The following RASGRF1 variants were observed in gnomAD, a reference collection of about 807,000 sequenced individuals.
The protein encoded by RASGRF1 is Ras protein specific guanine nucleotide releasing factor 1.
A neutral mutation model predicts 138.7 loss-of-function variants in RASGRF1; 40 were observed. The ratio of observed to expected loss-of-function variants is 0.29; its 90% CI spans 0.22 to 0.38. The LOEUF is 0.38. RASGRF1 is among the 10% of genes least tolerant of loss of function. The probability of loss-of-function intolerance (pLI) is 1.00; values close to 1 mark genes in which losing one functional copy is unlikely to be tolerated. For synonymous variants in RASGRF1, 614 were observed against 663.2 expected (o/e 0.93, Z 1.14); for missense variants, 1,108 against 1,650.4 (o/e 0.67, Z 5.69).
chr15:78,991,662 G>A (rs2056270154), intron 21 of RASGRF1, 29 bp downstream of exon 21: 7 of 1,568,346 alleles, frequency 4.5e-6, no homozygotes, highest in African/African-American at 1.3e-5. Context: ...AGGAAGCGGG[G>A]GGAGGCGGGT....
chr15:79,052,212 G>T (rs1482512685), intron 3 of RASGRF1, among the ~76,000 whole-genome samples: 1 of 152,094 alleles, frequency 6.6e-6, no homozygotes, highest in Non-Finnish European at 1.5e-5. Flanking sequence ...CCTGCTTTGG[G>T]CACGGTGCAA....
At position 78,990,240 on chromosome 15, in the gene RASGRF1, T is replaced by A; in HGVS notation, c.3165A>T (p.Glu1055Asp). The A allele has an allele frequency of 6.2e-7, 1 of 1,610,150 alleles. No homozygotes were observed. Among genetic ancestry groups the A allele is most frequent in the Non-Finnish European group, 8.5e-7 (1 of 1,176,288 alleles). The stretch of plus-strand genomic sequence containing the variant: ...TGATATAAGGGGTCCTTTCATTCTT[T>A]TCCAGTTTCATCCATCCTTGTCCGA... ...EFFGQGWMKL[E>D]KNERTPYIMK... Residue 1055 changes from glutamate to aspartate, a missense_variant, in exon 22 of 27, where the codon GAA (glutamate) becomes GAT (aspartate). This residue lies in a region of RASGRF1 where 686 missense variants were observed against 976.7 expected (regional missense o/e 0.70). Coordinates refer to ENST00000558480, the MANE Select transcript of RASGRF1 (RefSeq NM_001145648.3).
Position 78,976,389 on chromosome 15 carries a change from C to T in RASGRF1, c.3495-2969G>A, listed in dbSNP as rs7164306. Among the ~76,000 whole-genome samples the T allele has an allele frequency of 9.5e-3, 1,449 of 152,206 alleles. 28 individuals are homozygous for T. Among genetic ancestry groups the T allele is most frequent in the African/African-American group, 0.033 (1,365 of 41,508 alleles). On this transcript the variant is annotated intron_variant, in intron 24 of 26. Coordinates refer to ENST00000558480, the MANE Select transcript of RASGRF1 (RefSeq NM_001145648.3). Reference sequence around the variant, plus strand: ...TAACACACTAACGATAGCTAATAAGCTGGAAAAAAATCACAAAAAAATCTC... The same window carrying T: ...TAACACACTAACGATAGCTAATAAGTTGGAAAAAAATCACAAAAAAATCTC...
intron 13 of RASGRF1, among the ~76,000 whole-genome samples, chr15:79,007,260 A>C (rs1398624111): frequency 6.6e-6 from 1 of 152,206 alleles, no homozygotes; most frequent in African/African-American, 2.4e-5. Flanking sequence ...CAGCCTCTAC[A>C]GGGCATAGTG....
chr15:79,053,626 GA>G (rs2057463058), intron 3 of RASGRF1, among the ~76,000 whole-genome samples: 1 of 152,250 alleles, frequency 6.6e-6, no homozygotes, highest in Non-Finnish European at 1.5e-5. Flanking sequence ...AGAAGGGAGA[GA>G]AGAGACTAAG....
intron 5 of RASGRF1, among the ~76,000 whole-genome samples, chr15:79,041,124 G>A (rs867548883): frequency 8.5e-5 from 13 of 152,348 alleles, no homozygotes; most frequent in South Asian, 6.2e-4. Context: ...CTGTTTTTGC[G>A]TGGCCTGAGA....
chr15:79,063,926 C>T (rs2057642057), intron 2 of RASGRF1, among the ~76,000 whole-genome samples: 1 of 152,192 alleles, frequency 6.6e-6, no homozygotes, highest in African/African-American at 2.4e-5. Flanking sequence ...AGTCTCCCTA[C>T]AGGGGGCACT....
chr15:78,978,213 T>C (rs997736181), intron 24 of RASGRF1, among the ~76,000 whole-genome samples: 3 of 84,398 alleles, frequency 3.6e-5, no homozygotes, highest in East Asian at 3.2e-4. Flanking sequence ...TCTTTTTCTT[T>C]TCTTTTGTTT....
Position 79,041,705 on chromosome 15 carries a change from C to T in RASGRF1, c.878+5041G>A, listed in dbSNP as rs191053648. Among the ~76,000 whole-genome samples, 196 of 152,008 alleles carry T rather than the reference C, an allele frequency of 1.3e-3. 1 individual carries two copies. The highest frequency in any genetic ancestry group is 4.5e-3 in the African/African-American group (187 of 41,268). The stretch of plus-strand genomic sequence containing the variant: ...AGCCCAGAAAGGGGCATGACATACC[C>T]AAGGCCAGTCCAAGGCAGATAGGAC... On this transcript the variant is annotated intron_variant, in intron 5 of 26. Coordinates refer to ENST00000558480, the MANE Select transcript of RASGRF1 (RefSeq NM_001145648.3).
intron 24 of RASGRF1, among the ~76,000 whole-genome samples, chr15:78,975,893 A>G (rs1299465663): frequency 6.6e-6 from 1 of 152,080 alleles, no homozygotes; most frequent in Non-Finnish European, 1.5e-5. Context: ...AAATAATCCA[A>G]AGATCTGAGA....
chr15:79,032,457 G>A lies in RASGRF1; in HGVS notation c.959-141C>T, dbSNP rs1422724814. 4 of 758,832 alleles carry A rather than the reference G, an allele frequency of 5.3e-6. No homozygotes were observed. The highest frequency in any genetic ancestry group is 8.6e-6 in the Non-Finnish European group (4 of 466,994). The allele number at this position is 758,832 out of a possible 1,614,324, so 47.0% of individuals were successfully genotyped here. A position where few individuals can be genotyped will look rare whatever the true frequency, so the allele number is the denominator to read the frequency against. The stretch of plus-strand genomic sequence containing the variant: ...CCACCCCAGAGACATCTCTGCTCTT[G>A]GGGATGACTCCAGTACCACTGCCCT... On this transcript the variant is annotated intron_variant, in intron 6 of 26. Coordinates refer to ENST00000558480, the MANE Select transcript of RASGRF1 (RefSeq NM_001145648.3). The surrounding 1 kb of genome is among the most constrained non-coding windows in gnomAD (Gnocchi z 4.5).
In RASGRF1 at chr15:79,027,917, C is replaced by T. The variant is rs190479659; in HGVS notation, c.1263-58G>A. The T allele has an allele frequency of 2.5e-3, 3,941 of 1,559,406 alleles. 5 individuals are homozygous for T. Among genetic ancestry groups the T allele is most frequent in the Admixed American group, 3.8e-3 (225 of 59,792 alleles). On this transcript the variant is annotated intron_variant, in intron 8 of 26. Transcript: ENST00000558480. This position sits in a 1 kb window ranked among gnomAD's most constrained non-coding sequence, Gnocchi z 4.8. ...AGGCTGCCCCTACTTCCCAGGGAGG[C>T]GAGAATGCCAGGCTTCTGGCCAGAC... is the stretch of plus-strand genomic sequence containing the variant.
chr15:79,089,721 G>A (rs1045557855), intron 1 of RASGRF1, among the ~76,000 whole-genome samples: 2 of 152,250 alleles, frequency 1.3e-5, no homozygotes, highest in Non-Finnish European at 2.9e-5. Flanking sequence ...ACCGCTCTCC[G>A]CCCTCAGCTG....
chr15:78,993,348 GTGTGGTGTGTGTTTGGTGTGTGTA>G (rs2056320548), intron 20 of RASGRF1, among the ~76,000 whole-genome samples: 1 of 96,630 alleles, frequency 1.0e-5, no homozygotes, highest in African/African-American at 3.9e-5. Context: ...GTGTATGTGT[GTGTGGTGTGTGTTTGGTGTGTGTA>G]GTGTGTGTGT....
At chr15:79,086,707 G>T (rs1315664087) in intron 1 of RASGRF1, among the ~76,000 whole-genome samples, 1 of 152,194 alleles carries the variant, frequency 6.6e-6, no homozygotes, top group Non-Finnish European at 1.5e-5. Flanking sequence ...ACCCTTCCTG[G>T]TTGGGAAGAG....
chr15:79,004,738 C>T, intron 14 of RASGRF1: 1 of 985,728 alleles, frequency 1.0e-6, no homozygotes, highest in Non-Finnish European at 1.2e-6. Flanking sequence ...CAGGGTTCCA[C>T]CTCAGGCCAG....
intron 5 of RASGRF1, among the ~76,000 whole-genome samples, chr15:79,040,825 C>A (rs1463342846): frequency 6.6e-6 from 1 of 152,190 alleles, no homozygotes; most frequent in Non-Finnish European, 1.5e-5. Context: ...GGGGAATATA[C>A]CATGCACCTT....
In RASGRF1 at chr15:78,998,715, C is replaced by A; in HGVS notation, c.2853+4G>T. The A allele has an allele frequency of 1.2e-6, 2 of 1,611,214 alleles. No individual in the cohort carries two copies. The highest frequency in any genetic ancestry group is 1.7e-5 in the Admixed American group (1 of 60,022). On this transcript the variant is annotated splice_donor_region_variant and intron_variant, in intron 18 of 26. Coordinates refer to ENST00000558480, the MANE Select transcript of RASGRF1 (RefSeq NM_001145648.3). ...CAGCCTGCCCAGGGAGGGCTCCCAC[C>A]CACCTGAGAGTGCTTGGACACCCAG...
intron 6 of RASGRF1, among the ~76,000 whole-genome samples, chr15:79,034,149 T>C (rs2057185430): frequency 6.6e-6 from 1 of 152,240 alleles, no homozygotes; most frequent in Non-Finnish European, 1.5e-5. Flanking sequence ...AAGGGAGCTC[T>C]GGAGAGCCAG....
Sources: allele counts gnomAD v4.1 joint callset (sites outside exome capture counted in the v4.1 genomes callset), GRCh38; gene constraint gnomAD v4.1.1; regional missense constraint gnomAD v4.1.1; non-coding constraint Gnocchi (gnomAD v3.1); transcripts MANE v1.5; gene names NCBI Gene and HGNC (gene_info 2026-07-23, HGNC 2026-07-21).